The following FANCI variants were observed in gnomAD, a reference collection of about 807,000 sequenced individuals.
FANCI encodes the protein FA complementation group I.
FANCI carries 156 observed loss-of-function variants against 176.1 expected under a neutral mutation model. The observed-to-expected ratio is 0.89, with a 90% CI of 0.78 to 1.01. The LOEUF is 1.01. Among genes scored for constraint, FANCI ranks in the 50% least tolerant of loss-of-function variants. The pLI, the probability that FANCI is intolerant of heterozygous loss-of-function variation, is 0.00. For synonymous variants in FANCI, 613 were observed against 541.7 expected (o/e 1.13, Z -1.83); for missense variants, 1,678 against 1,534.1 (o/e 1.09, Z -1.57).
chr15:89,287,878 C>T (rs529806607), intron 18 of FANCI, among the ~76,000 whole-genome samples: 5 of 150,814 alleles, frequency 3.3e-5, no homozygotes, highest in East Asian at 3.9e-4. Flanking sequence ...AGACACAATT[C>T]GTGACTCTTC....
chr15:89,293,729 TA>T, intron 22 of FANCI, 103 bp from the exon 23 acceptor site: 1 of 1,127,242 alleles, frequency 8.9e-7, no homozygotes, highest in Non-Finnish European at 1.3e-6. Context: ...ATGTTACGTC[TA>T]AAATATGACA....
intron 2 of FANCI, among the ~76,000 whole-genome samples, chr15:89,257,758 T>C (rs2052558368): frequency 6.6e-6 from 1 of 152,168 alleles, no homozygotes; most frequent in Non-Finnish European, 1.5e-5. Flanking sequence ...ACAATTCAAT[T>C]CATAATGCCT....
intron 1 of FANCI, chr15:89,245,232 G>C (rs2051901335): frequency 6.7e-6 from 1 of 150,096 alleles, no homozygotes; most frequent in Admixed American, 6.6e-5. Flanking sequence ...GCAGTGGCGC[G>C]ATCTCGGCTC....
chr15:89,288,355 T>G (rs1364114045), intron 18 of FANCI, among the ~76,000 whole-genome samples: 1 of 152,154 alleles, frequency 6.6e-6, no homozygotes, highest in Non-Finnish European at 1.5e-5. Context: ...ATCTTCACCC[T>G]TATTTAGCTC....
chr15:89,294,090 C>A, intron 23 of FANCI, 93 bp downstream of exon 23: 3 of 1,403,214 alleles, frequency 2.1e-6, no homozygotes, highest in Non-Finnish European at 3.0e-6. Flanking sequence ...GGATTGTTTA[C>A]AGTAAGAAAT....
intron 2 of FANCI, among the ~76,000 whole-genome samples, chr15:89,248,516 C>T (rs1192614070): frequency 7.2e-6 from 1 of 139,604 alleles, no homozygotes; most frequent in East Asian, 2.1e-4. Context: ...TGCAGTGTTG[C>T]TCTTTGATTT....
In FANCI at chr15:89,299,823, C is replaced by T. The variant is rs767752212; in HGVS notation, c.2660C>T (p.Ser887Leu). The T allele has an allele frequency of 1.9e-6, 3 of 1,613,728 alleles. No individual in the cohort carries two copies. Among genetic ancestry groups the T allele is most frequent in the East Asian group, 2.2e-5 (1 of 44,852 alleles). The change falls in exon 25 of 38, where the codon TCA (serine) becomes TTA (leucine). Residue 887 changes from serine to leucine, a missense_variant. By Grantham distance (145) the Ser-to-Leu change is moderately radical. Transcript: ENST00000310775. ...AGAGTCTTGCTATGGAGATACACTT[C>T]AATTCCTACTTCAGTGGAAGAGTCG... ...ITRVLLWRYT[S>L]IPTSVEESGK...
Position 89,274,291 on chromosome 15 carries a change from G to C in FANCI, c.1099G>C (p.Val367Leu). 6.2e-7 allele frequency: 1 copy of C among 1,613,614 alleles called. No homozygotes were observed. The highest frequency in any genetic ancestry group is 8.5e-7 in the Non-Finnish European group (1 of 1,179,834). Residue 367 changes from valine (V) to leucine (L), a missense_variant, in exon 12 of 38, where the codon GTA becomes CTA. Physicochemically the swap from Val to Leu is conservative, Grantham distance 32. This residue lies in a region of FANCI where 469 missense variants were observed against 436.9 expected (regional missense o/e 1.07). Transcript: ENST00000310775. ...TTATGTTTCAACCATGATCTTGGAA[G>C]TAGTGAAGAATAGGTAAGTTGGTGA... ...RSYVSTMILE[V>L]VKNSVHSWDH...
At chr15:89,257,228 AC>A (rs1428551761) in intron 2 of FANCI, among the ~76,000 whole-genome samples, 1 of 151,462 alleles carries the variant, frequency 6.6e-6, no homozygotes, top group East Asian at 1.9e-4. Flanking sequence ...CTTCATCACC[AC>A]CCCCTACTTC....
Position 89,305,095 on chromosome 15 carries a change from G to T in FANCI, c.3059-20G>T. 1 of 1,613,410 alleles carries T rather than the reference G, an allele frequency of 6.2e-7. No homozygotes were observed. Among genetic ancestry groups the T allele is most frequent in the South Asian group, 1.1e-5 (1 of 91,024 alleles). On this transcript the variant is annotated intron_variant, in intron 28 of 37. Coordinates refer to ENST00000310775, the MANE Select transcript of FANCI (RefSeq NM_001113378.2). ...TTGGCCACAACTTACCTTTTAATTT[G>T]CTTTTCTTCCTATTCCTAGAGGATG...
chr15:89,278,256 C>G (rs775416542), intron 13 of FANCI, among the ~76,000 whole-genome samples: 1 of 152,192 alleles, frequency 6.6e-6, no homozygotes, highest in Non-Finnish European at 1.5e-5. Context: ...TTAACAGCAA[C>G]TGCTGTGCTT....
chr15:89,295,742 C>CT (rs2054239270), intron 24 of FANCI, among the ~76,000 whole-genome samples: 1 of 142,070 alleles, frequency 7.0e-6, no homozygotes, highest in Non-Finnish European at 1.5e-5. Context: ...GCCCCCCCCA[C>CT]CTTTTTTTTT....
At chr15:89,268,594 A>G in intron 10 of FANCI, 69 bp downstream of exon 10, 1 of 1,572,126 alleles carries the variant, frequency 6.4e-7, no homozygotes. Flanking sequence ...AGCCACTGTT[A>G]TGCCAGTTAA....
At chr15:89,303,806 C>T (rs994647116) in intron 27 of FANCI, 58 bp from the exon 28 acceptor site, 9 of 1,482,310 alleles carry the variant, frequency 6.1e-6, no homozygotes, top group Admixed American at 3.3e-5. Context: ...TCTGTTCTGA[C>T]AACACCTAGG....
At chr15:89,303,713 C>G (rs1320645069) in intron 27 of FANCI, 151 bp from the exon 28 acceptor site, 1 of 634,636 alleles carries the variant, frequency 1.6e-6, no homozygotes, top group African/African-American at 1.8e-5. Context: ...TATTTTTATG[C>G]CCTTCATCAT....
intron 4 of FANCI, among the ~76,000 whole-genome samples, chr15:89,261,203 G>A (rs760971449): frequency 1.3e-5 from 2 of 152,152 alleles, no homozygotes; most frequent in East Asian, 1.9e-4. Flanking sequence ...CCAGGGAGGC[G>A]GAGGTTGCAG....
chr15:89,249,104 T>G (rs912085628), intron 2 of FANCI, among the ~76,000 whole-genome samples: 1 of 152,216 alleles, frequency 6.6e-6, no homozygotes, highest in Admixed American at 6.5e-5. Context: ...TTTTGTATGA[T>G]TCTGCTGACC....
chr15:89,268,866 A>G (rs2053086372), intron 10 of FANCI, among the ~76,000 whole-genome samples: 1 of 152,194 alleles, frequency 6.6e-6, no homozygotes, highest in Non-Finnish European at 1.5e-5. Context: ...ATTATGTGTC[A>G]CTGTCTTATG....
chr15:89,282,496 T>C (rs1329324204), intron 16 of FANCI: 1 of 162,604 alleles, frequency 6.1e-6, no homozygotes, highest in East Asian at 1.7e-4. Flanking sequence ...CATTTGGTAC[T>C]TTGAGGATAA....
Sources: allele counts gnomAD v4.1 joint callset (sites outside exome capture counted in the v4.1 genomes callset), GRCh38; gene constraint gnomAD v4.1.1; regional missense constraint gnomAD v4.1.1; transcripts MANE v1.5; gene names NCBI Gene and HGNC (gene_info 2026-07-23, HGNC 2026-07-21).